ATXN7L1: variants seen among roughly 807,000 people sequenced by gnomAD.
The protein encoded by ATXN7L1 is ataxin-7-like protein 1.
Under a neutral mutation model 70.8 loss-of-function variants are expected in ATXN7L1, and 15 were observed. That is an observed-to-expected ratio of 0.21 (90% CI 0.14 to 0.33). The LOEUF is 0.33. Among genes scored for constraint, ATXN7L1 ranks in the 10% least tolerant of loss-of-function variants. ATXN7L1 has a pLI of 1.00. For missense variants in ATXN7L1, 975 were observed against 1,097.1 expected, an observed-to-expected ratio of 0.89 and a Z score of 1.57; for synonymous variants, 440 against 445.1, an observed-to-expected ratio of 0.99 and a Z score of 0.14.
intron 4 of ATXN7L1, among the ~76,000 whole-genome samples, chr7:105,658,216 CAAA>C (rs11317370): frequency 1.4e-5 from 2 of 142,242 alleles, no homozygotes; most frequent in Non-Finnish European, 1.5e-5. Flanking sequence ...TACCCCATCT[CAAA>C]AAAAAAAAAA....
chr7:105,872,963 G>A (rs1026311989), intron 2 of ATXN7L1, among the ~76,000 whole-genome samples: 1 of 151,880 alleles, frequency 6.6e-6, no homozygotes, highest in Non-Finnish European at 1.5e-5. Context: ...GACCATCCTG[G>A]CTAACACGGT....
At chr7:105,775,602 G>A (rs917429133) in intron 3 of ATXN7L1, among the ~76,000 whole-genome samples, 6 of 152,110 alleles carry the variant, frequency 3.9e-5, no homozygotes, top group Admixed American at 6.5e-5. Context: ...GGTGGGAGGC[G>A]AAAATCCTGT....
chr7:105,819,565 A>C, intron 2 of ATXN7L1: 2 of 1,281,576 alleles, frequency 1.6e-6, no homozygotes, highest in Non-Finnish European at 2.3e-6. Flanking sequence ...ATCGTGGCTA[A>C]GTAGGTACTG....
In ATXN7L1 at chr7:105,614,569, C is replaced by T. The variant is rs1487638423; in HGVS notation, c.1765G>A (p.Ala589Thr). 14 of 1,549,258 alleles carry T rather than the reference C, an allele frequency of 9.0e-6. No homozygotes were observed. The highest frequency in any genetic ancestry group is 2.4e-5 in the East Asian group (1 of 40,910). ...GTTGAGTCCATGATGCTGAGGGTTG[C>T]GGCCACATGAGGGAAAGCTGTGGTG... ...SHTTAFPHVA[A>T]TLSIMDSTFK... Residue 589 changes from alanine (A) to threonine (T), a missense_variant, in exon 10 of 12, where the codon GCA becomes ACA. Around this residue, in one of 5 missense-constraint regions of ATXN7L1, gnomAD observed 635 missense variants for 699.4 expected, o/e 0.91. Coordinates refer to ENST00000419735, the MANE Select transcript of ATXN7L1 (RefSeq NM_020725.2). The surrounding 1 kb of genome is among the most constrained non-coding windows in gnomAD (Gnocchi z 4.3).
At chr7:105,621,731 C>A (rs1049133335) in intron 8 of ATXN7L1, among the ~76,000 whole-genome samples, 3 of 152,194 alleles carry the variant, frequency 2.0e-5, no homozygotes, top group Non-Finnish European at 4.4e-5. Flanking sequence ...AAAAGCAGCT[C>A]TCCCCCTTCC....
intron 10 of ATXN7L1, among the ~76,000 whole-genome samples, chr7:105,610,998 C>T (rs917214545): frequency 3.3e-5 from 5 of 152,252 alleles, no homozygotes; most frequent in Non-Finnish European, 5.9e-5. Context: ...ACCCTCCGTC[C>T]CAAACCCATC....
At chr7:105,773,505 G>T (rs1352140353) in intron 3 of ATXN7L1, among the ~76,000 whole-genome samples, 1 of 152,108 alleles carries the variant, frequency 6.6e-6, no homozygotes, top group Non-Finnish European at 1.5e-5. Context: ...ATGTCATCCT[G>T]GAATCGAGAA....
intron 3 of ATXN7L1, chr7:105,760,176 T>C (rs1800362529): frequency 1.0e-6 from 1 of 982,026 alleles, no homozygotes; most frequent in Non-Finnish European, 1.2e-6. Flanking sequence ...TGTCTGTCCA[T>C]CTATCCAACC....
intron 2 of ATXN7L1, among the ~76,000 whole-genome samples, chr7:105,808,899 A>G (rs996642): frequency 0.82 from 125,015 of 152,282 alleles, 51,718 homozygotes; most frequent in East Asian, 0.98. Flanking sequence ...GGAAGCTCTA[A>G]CCACCTATCA....
intron 3 of ATXN7L1, among the ~76,000 whole-genome samples, chr7:105,763,873 A>C (rs1800883523): frequency 6.6e-6 from 1 of 150,628 alleles, no homozygotes; most frequent in Non-Finnish European, 1.5e-5. Flanking sequence ...GCTTTTTTTG[A>C]GATGGAGTCT....
intron 2 of ATXN7L1, among the ~76,000 whole-genome samples, chr7:105,853,765 A>AAAAAC (rs547510998): frequency 8.4e-4 from 128 of 152,270 alleles, no homozygotes; most frequent in Middle Eastern, 3.4e-3. Flanking sequence ...CTCTGTCTCA[A>AAAAAC]AAAACAAAAC....
chr7:105,805,906 G>GTGCTCA (rs1479853512), intron 2 of ATXN7L1, among the ~76,000 whole-genome samples: 1 of 152,178 alleles, frequency 6.6e-6, no homozygotes, highest in Non-Finnish European at 1.5e-5. Flanking sequence ...GTTTTACCAT[G>GTGCTCA]TGCTCATGAG....
At position 105,717,049 on chromosome 7, in the gene ATXN7L1, T is replaced by A. The variant is rs551646835; in HGVS notation, c.356-51761A>T. Among the ~76,000 whole-genome samples the A allele has an allele frequency of 2.3e-4, 35 of 152,310 alleles. No homozygotes were observed. In the South Asian group the frequency reaches 4.6e-3, roughly 20 times the overall value. ...ATACACAGATATGTACATAATTTTTTAAAAAGTGATCATACTAAGCATTGT... is the reference window on the plus strand; with the variant it reads ...ATACACAGATATGTACATAATTTTTAAAAAAGTGATCATACTAAGCATTGT... On this transcript the variant is annotated intron_variant, in intron 3 of 11. Transcript: ENST00000419735.
Position 105,607,641 on chromosome 7 carries a change from A to G in ATXN7L1, c.*211T>C. 1.7e-6 allele frequency: 1 copy of G among 573,652 alleles called. No individual in the cohort carries two copies. The highest frequency in any genetic ancestry group is 3.1e-6 in the Non-Finnish European group (1 of 320,044). 35.5% of individuals were successfully genotyped at this position (573,652 alleles called of 1,614,324 possible). On this transcript the variant is annotated 3_prime_UTR_variant, in exon 12 of 12. Coordinates refer to ENST00000419735, the MANE Select transcript of ATXN7L1 (RefSeq NM_020725.2). ...AAGACAGCGGAAACCAAACACTGGAACTGTTTTCTGTAAATCTCAAATTCA... is the reference window on the plus strand; with the variant it reads ...AAGACAGCGGAAACCAAACACTGGAGCTGTTTTCTGTAAATCTCAAATTCA...
intron 10 of ATXN7L1, among the ~76,000 whole-genome samples, chr7:105,612,271 A>G (rs10435352): frequency 0.38 from 57,549 of 152,140 alleles, 11,403 homozygotes; most frequent in Non-Finnish European, 0.45. Flanking sequence ...ACCCATCTGT[A>G]AAAGGAGAGT....
chr7:105,801,429 C>T (rs1806800144), intron 2 of ATXN7L1, among the ~76,000 whole-genome samples: 1 of 152,184 alleles, frequency 6.6e-6, no homozygotes, highest in Non-Finnish European at 1.5e-5. Context: ...GAGCAGAATG[C>T]TTTTTAAGCA....
rs1391274433 is a variant in ATXN7L1, at chr7:105,605,398, T to TTTGCCCAG, written c.*2446_*2453dup. 45 of 149,320 alleles carry TTTGCCCAG rather than the reference T, an allele frequency of 3.0e-4. No homozygotes were observed. The highest frequency in any genetic ancestry group is 1.1e-3 in the African/African-American group (44 of 40,588). 9.2% of individuals were successfully genotyped at this position (149,320 alleles called of 1,614,324 possible). On this transcript the variant is annotated 3_prime_UTR_variant, in exon 12 of 12. Transcript: ENST00000419735. Reference sequence around the variant, plus strand: ...GGAAGAATACTGTGGGCTTTCCCTTTTTGCCCAGTTTTCCAGAAATATCCT... The same window carrying TTTGCCCAG: ...GGAAGAATACTGTGGGCTTTCCCTTTTTGCCCAGTTGCCCAGTTTTCCAGAAATATCCT...
chr7:105,655,106 T>A (rs1003378110), intron 4 of ATXN7L1, among the ~76,000 whole-genome samples: 1 of 152,168 alleles, frequency 6.6e-6, no homozygotes, highest in Non-Finnish European at 1.5e-5. Context: ...CAAAGCTGGA[T>A]TCCCTATTTC....
chr7:105,662,205 A>G (rs1192925456), intron 4 of ATXN7L1, among the ~76,000 whole-genome samples: 1 of 151,172 alleles, frequency 6.6e-6, no homozygotes, highest in Non-Finnish European at 1.5e-5. Flanking sequence ...CAGGTTCAAG[A>G]AATTCTCCTG....
Sources: allele counts gnomAD v4.1 joint callset (sites outside exome capture counted in the v4.1 genomes callset), GRCh38; gene constraint gnomAD v4.1.1; regional missense constraint gnomAD v4.1.1; non-coding constraint Gnocchi (gnomAD v3.1); transcripts MANE v1.5; gene names NCBI Gene and HGNC (gene_info 2026-07-23, HGNC 2026-07-21).